The following ST8SIA1 variants were observed in gnomAD, a reference collection of about 807,000 sequenced individuals.
ST8SIA1 encodes the protein alpha-N-acetylneuraminide alpha-2,8-sialyltransferase.
Under a neutral mutation model 35.9 loss-of-function variants are expected in ST8SIA1, and 16 were observed. The observed-to-expected ratio is 0.45, with a 90% CI of 0.30 to 0.68. The LOEUF (loss-of-function observed/expected upper bound fraction) is 0.68. Ranked by LOEUF, ST8SIA1 falls within the 30% of genes least tolerant of loss-of-function variation. The pLI is 0.09. For synonymous variants in ST8SIA1, 170 were observed against 169.6 expected, an observed-to-expected ratio of 1.00 and a Z score of -0.02; for missense variants, 383 against 453.6, an observed-to-expected ratio of 0.84 and a Z score of 1.41.
intron 2 of ST8SIA1, among the ~76,000 whole-genome samples, chr12:22,277,918 C>T (rs1324125955): frequency 6.6e-6 from 1 of 152,100 alleles, no homozygotes; most frequent in African/African-American, 2.4e-5. Context: ...GAATTGTGAG[C>T]ATGTAAAAGG....
chr12:22,237,106 C>CT (rs944595314), intron 4 of ST8SIA1, among the ~76,000 whole-genome samples: 3 of 136,426 alleles, frequency 2.2e-5, no homozygotes, highest in African/African-American at 7.6e-5. Flanking sequence ...ATAACAAGGC[C>CT]TTTTTTTAAA....
intron 4 of ST8SIA1, among the ~76,000 whole-genome samples, chr12:22,233,804 G>T (rs988734910): frequency 1.3e-5 from 2 of 152,162 alleles, no homozygotes; most frequent in Admixed American, 6.5e-5. Context: ...ACCTCTCAGC[G>T]TATCAGTTCT....
chr12:22,274,677 C>T (rs1166894294), intron 2 of ST8SIA1, among the ~76,000 whole-genome samples: 1 of 152,210 alleles, frequency 6.6e-6, no homozygotes, highest in African/African-American at 2.4e-5. Flanking sequence ...TGTCCACACA[C>T]CATCACACAC....
chr12:22,254,041 A>C lies in ST8SIA1; in HGVS notation c.491+1239T>G, dbSNP rs961432133. ...TGTTACTCGTTTATACTTAAAAATA[A>C]ACAGGAATACAAAATCTCGCTCAGC... On this transcript the variant is annotated intron_variant, in intron 3 of 4. Transcript: ENST00000396037. Among the ~76,000 whole-genome samples the C allele has an allele frequency of 2.6e-5, 4 of 152,230 alleles. No individual in the cohort carries two copies. In the East Asian group the frequency reaches 5.8e-4, roughly 22 times the overall value.
intron 4 of ST8SIA1, among the ~76,000 whole-genome samples, chr12:22,218,424 C>G (rs1865258551): frequency 6.6e-6 from 1 of 151,782 alleles, no homozygotes; most frequent in Admixed American, 6.6e-5. Context: ...TCCAGACCAG[C>G]CTGACCAACA....
intron 4 of ST8SIA1, among the ~76,000 whole-genome samples, chr12:22,214,729 T>C (rs1865216607): frequency 6.6e-6 from 1 of 152,102 alleles, no homozygotes; most frequent in Non-Finnish European, 1.5e-5. Context: ...TAATTTGAGA[T>C]AAAAATCAAA....
At chr12:22,286,644 A>G (rs1192232887) in intron 2 of ST8SIA1, 1 of 448,930 alleles carries the variant, frequency 2.2e-6, no homozygotes, top group Admixed American at 2.5e-5. Context: ...CTTGATTTAG[A>G]CCACTTCAAA....
intron 1 of ST8SIA1, among the ~76,000 whole-genome samples, chr12:22,328,573 A>T (rs1242396336): frequency 1.3e-5 from 2 of 152,200 alleles, no homozygotes; most frequent in Non-Finnish European, 2.9e-5. Context: ...TCACAGCTAC[A>T]GACCCAGCAT....
chr12:22,279,587 C>T (rs1025373461), intron 2 of ST8SIA1, among the ~76,000 whole-genome samples: 6 of 152,204 alleles, frequency 3.9e-5, no homozygotes, highest in African/African-American at 1.2e-4. Context: ...TTGTTTTAAA[C>T]GGATCTCTGG....
rs190190853 is a variant in ST8SIA1 at position 22,308,038 on chromosome 12, G to A, written c.237-20745C>T. Among the ~76,000 whole-genome samples, 79 of 152,252 alleles carry A rather than the reference G, an allele frequency of 5.2e-4. 1 individual carries two copies. Among genetic ancestry groups the A allele is most frequent in the Non-Finnish European group, 8.5e-4 (58 of 68,020 alleles). On this transcript the variant is annotated intron_variant, in intron 1 of 4. Coordinates refer to ENST00000396037, the MANE Select transcript of ST8SIA1 (RefSeq NM_003034.4). ...ATTCCTGGGCTCAAGTGATACTCCC[G>A]CCTCAGCCTCCTGAGTAACTGGGAC...
At chr12:22,206,503 A>T (rs1409533241) in intron 4 of ST8SIA1, among the ~76,000 whole-genome samples, 1 of 152,190 alleles carries the variant, frequency 6.6e-6, no homozygotes, top group East Asian at 1.9e-4. Context: ...TCCAGGTAGG[A>T]AGAGTGGGTA....
chr12:22,237,129 C>A (rs1865484152), intron 4 of ST8SIA1, among the ~76,000 whole-genome samples: 1 of 151,800 alleles, frequency 6.6e-6, no homozygotes. Flanking sequence ...GATGGGGCCT[C>A]ACTCTGTCAT....
At chr12:22,286,024 G>A (rs1417646484) in intron 2 of ST8SIA1, among the ~76,000 whole-genome samples, 2 of 152,074 alleles carry the variant, frequency 1.3e-5, no homozygotes, top group Admixed American at 1.3e-4. Flanking sequence ...ATCATCCAAG[G>A]AATTTAGTTA....
intron 1 of ST8SIA1, among the ~76,000 whole-genome samples, chr12:22,329,628 TC>T (rs1866732990): frequency 6.6e-6 from 1 of 152,124 alleles, no homozygotes; most frequent in Non-Finnish European, 1.5e-5. Context: ...CCTATGCTCC[TC>T]CCCTCCACTC....
At chr12:22,253,750 C>T (rs901414388) in intron 3 of ST8SIA1, among the ~76,000 whole-genome samples, 6 of 151,964 alleles carry the variant, frequency 3.9e-5, no homozygotes, top group African/African-American at 1.5e-4. Flanking sequence ...AGAAAAACTG[C>T]AATACAGAGG....
chr12:22,286,549 C>T (rs750671889), intron 2 of ST8SIA1: 20 of 517,108 alleles, frequency 3.9e-5, no homozygotes, highest in Non-Finnish European at 5.8e-5. Context: ...TTCCCTTTTC[C>T]CCCCTCTTGC....
At chr12:22,244,604 G>A (rs966446445) in intron 4 of ST8SIA1, among the ~76,000 whole-genome samples, 4 of 151,918 alleles carry the variant, frequency 2.6e-5, no homozygotes, top group South Asian at 4.2e-4. Context: ...CTACAGCCAC[G>A]TGCCACCATA....
At chr12:22,303,320 C>CT (rs138331297) in intron 1 of ST8SIA1, among the ~76,000 whole-genome samples, 8,559 of 147,292 alleles carry the variant, frequency 0.058, 500 homozygotes, top group African/African-American at 0.15. Context: ...CATACAACTC[C>CT]TTTTTTTTTT....
In ST8SIA1 at chr12:22,249,042, T is replaced by C; in HGVS notation, c.548A>G (p.Gln183Arg). Residue 183 changes from glutamine to arginine, a missense_variant, in exon 4 of 5, where the codon CAG becomes CGG. Physicochemically the swap from Gln to Arg is conservative, Grantham distance 43. Transcript: ENST00000396037. ...EYTKDVGSKS[Q>R]LVTANPSIIR... ...TATGCTGGGATTAGCTGTCACTAAC[T>C]GACTTTTGGATCCAACATCCTTAGT... 6.2e-7 allele frequency: 1 copy of C among 1,613,966 alleles called. No individual in the cohort carries two copies. The highest frequency in any genetic ancestry group is 8.5e-7 in the Non-Finnish European group (1 of 1,179,910).
Sources: gnomAD v4.1 joint callset for allele counts (sites outside exome capture counted in the v4.1 genomes callset) on GRCh38, gnomAD v4.1.1 for gene constraint, MANE v1.5 for transcripts, NCBI Gene and HGNC (gene_info 2026-07-23, HGNC 2026-07-21) for gene names.